ITGB5: variants seen among roughly 807,000 people sequenced by gnomAD.
ITGB5 encodes integrin subunit beta 5, also known as integrin beta-5.
In ITGB5, 38 loss-of-function variants were observed where a neutral mutation model predicts 84.8. The observed-to-expected ratio is 0.45, with a 90% CI of 0.35 to 0.59. The LOEUF (loss-of-function observed/expected upper bound fraction) is 0.59. ITGB5 is among the 20% of genes least tolerant of loss of function. The pLI, the probability that ITGB5 is intolerant of heterozygous loss-of-function variation, is 0.01. For missense variants in ITGB5, 905 were observed against 1,034.5 expected (o/e 0.87, Z 1.72); for synonymous variants, 393 against 414.4 (o/e 0.95, Z 0.63).
At position 124,809,091 on chromosome 3, in the gene ITGB5, A is replaced by C; in HGVS notation, c.1194T>G (p.Thr398=). ...AGGATACCCCATCTTGGCAGGTAGC[A>C]GTAAAGAAGAGATTAAGATCCTCAG... ...DQPEDLNLFF[T]ATCQDGVSYP... is the part of the protein sequence containing the mutation. Residue 398 remains threonine, a synonymous_variant, in exon 9 of 15, where the codon ACT becomes ACG. Transcript: ENST00000296181. 6.2e-7 allele frequency: 1 copy of C among 1,614,142 alleles called. No homozygotes were observed. Among genetic ancestry groups the C allele is most frequent in the Non-Finnish European group, 8.5e-7 (1 of 1,179,978 alleles).
At chr3:124,874,321 A>G (rs1444464986) in intron 1 of ITGB5, among the ~76,000 whole-genome samples, 2 of 151,418 alleles carry the variant, frequency 1.3e-5, no homozygotes, top group Non-Finnish European at 2.9e-5. Flanking sequence ...AAAAAAAAAA[A>G]AAAAAGAAAG....
At chr3:124,837,266 C>G (rs1374527477) in intron 5 of ITGB5, among the ~76,000 whole-genome samples, 1 of 152,240 alleles carries the variant, frequency 6.6e-6, no homozygotes, top group Non-Finnish European at 1.5e-5. Context: ...CTGAACCACA[C>G]ATCACACTTC....
At chr3:124,786,366 G>A (rs979165261) in intron 10 of ITGB5, among the ~76,000 whole-genome samples, 1 of 151,440 alleles carries the variant, frequency 6.6e-6, no homozygotes, top group Non-Finnish European at 1.5e-5. Context: ...GTGTACCACT[G>A]CACTCCAGCC....
At chr3:124,894,137 T>TTTTTTTTC (rs1935053852) in intron 1 of ITGB5, among the ~76,000 whole-genome samples, 1 of 125,468 alleles carries the variant, frequency 8.0e-6, no homozygotes, top group African/African-American at 3.0e-5. Context: ...TATTTTTCTT[T>TTTTTTTTC]TTTTTTTTTT....
intron 12 of ITGB5, 43 bp downstream of exon 12, chr3:124,768,970 A>C: frequency 1.3e-6 from 2 of 1,499,422 alleles, no homozygotes; most frequent in Non-Finnish European, 1.9e-6. Context: ...CTCCCCAGGA[A>C]GGAGAAAAAC....
chr3:124,850,057 G>T (rs1030287777), intron 3 of ITGB5, among the ~76,000 whole-genome samples: 8 of 152,070 alleles, frequency 5.3e-5, no homozygotes, highest in Non-Finnish European at 1.0e-4. Flanking sequence ...CACCTGACTT[G>T]CCGGCAGCCA....
At chr3:124,790,447 AGG>A in intron 10 of ITGB5, among the ~76,000 whole-genome samples, 1 of 147,378 alleles carries the variant, frequency 6.8e-6, no homozygotes, top group African/African-American at 2.5e-5. Flanking sequence ...TTGACTAGAC[AGG>A]GTTATCAGAA....
rs1287041549 is a variant in ITGB5, at chr3:124,763,455, CCAGGCACCTTCCTGTA to C, written c.*152_*167del. ...CTGGCCTAGCAGCCAGGTGACATGG[CCAGGCACCTTCCTGTA>C]CAGGCACTGTGGGCTCCTGGCCCAG... On this transcript the variant is annotated 3_prime_UTR_variant, in exon 15 of 15. Transcript: ENST00000296181. The C allele has an allele frequency of 1.9e-6, 1 of 521,206 alleles. No individual in the cohort carries two copies. The highest frequency in any genetic ancestry group is 1.9e-5 in the African/African-American group (1 of 51,838). The allele number at this position is 521,206 out of a possible 1,614,324, so 32.3% of individuals were successfully genotyped here.
At chr3:124,854,273 C>T (rs1272345761) in intron 3 of ITGB5, among the ~76,000 whole-genome samples, 5 of 152,160 alleles carry the variant, frequency 3.3e-5, no homozygotes, top group African/African-American at 4.8e-5. Context: ...TGTACATGAA[C>T]GTTCATAGCA....
intron 13 of ITGB5, among the ~76,000 whole-genome samples, chr3:124,765,693 C>T (rs1054987192): frequency 6.7e-6 from 1 of 148,296 alleles, no homozygotes; most frequent in Non-Finnish European, 1.5e-5. Flanking sequence ...AATGGGCCCC[C>T]AGCTGCACAT....
intron 5 of ITGB5, 70 bp from the exon 6 acceptor site, chr3:124,821,544 G>A: frequency 1.3e-6 from 2 of 1,530,756 alleles, no homozygotes; most frequent in South Asian, 2.3e-5. Context: ...GCAGGGCACT[G>A]GCCCCTCTCC....
intron 4 of ITGB5, among the ~76,000 whole-genome samples, chr3:124,845,011 G>A (rs1390415227): frequency 6.6e-6 from 1 of 152,214 alleles, no homozygotes; most frequent in Non-Finnish European, 1.5e-5. Context: ...CTCCAAGGAA[G>A]AGCTAATGAA....
At chr3:124,882,800 G>C (rs1453186880) in intron 1 of ITGB5, among the ~76,000 whole-genome samples, 2 of 152,154 alleles carry the variant, frequency 1.3e-5, no homozygotes, top group African/African-American at 4.8e-5. Context: ...CTGGAGTTGG[G>C]GAGGGAATCC....
chr3:124,868,249 T>C (rs2065421408), intron 2 of ITGB5, among the ~76,000 whole-genome samples: 1 of 152,148 alleles, frequency 6.6e-6, no homozygotes, highest in South Asian at 2.1e-4. Flanking sequence ...GAGAACAGAC[T>C]AATACATGTG....
chr3:124,886,737 T>A (rs1171484460), intron 1 of ITGB5, among the ~76,000 whole-genome samples, 194 bp downstream of exon 1: 1 of 151,474 alleles, frequency 6.6e-6, no homozygotes, highest in Non-Finnish European at 1.5e-5. Flanking sequence ...AACAGGAGAC[T>A]CACGACAGCC....
intron 2 of ITGB5, among the ~76,000 whole-genome samples, chr3:124,865,653 A>T (rs1168715891): frequency 6.6e-6 from 1 of 150,634 alleles, no homozygotes; most frequent in Non-Finnish European, 1.5e-5. Flanking sequence ...CATCCCACTG[A>T]TTTTTTACTT....
chr3:124,864,096 CTTTTTTTTTTTT>C (rs558311822), intron 2 of ITGB5, among the ~76,000 whole-genome samples: 1 of 45,470 alleles, frequency 2.2e-5, no homozygotes, highest in Non-Finnish European at 4.3e-5. Context: ...ACCTATATTT[CTTTTTTTTTTTT>C]TTTTTTTTTT....
intron 10 of ITGB5, among the ~76,000 whole-genome samples, chr3:124,775,559 T>A (rs943147825): frequency 1.3e-5 from 2 of 152,182 alleles, no homozygotes; most frequent in African/African-American, 4.8e-5. Context: ...TGGTATTTTT[T>A]AAAAAATCAA....
chr3:124,769,954 A>G (rs2063818564), intron 11 of ITGB5: 1 of 152,234 alleles, frequency 6.6e-6, no homozygotes, highest in African/African-American at 2.4e-5. Flanking sequence ...TGGCTCAGAT[A>G]GTGGGTGAAA....
Sources: allele counts gnomAD v4.1 joint callset (sites outside exome capture counted in the v4.1 genomes callset), GRCh38; gene constraint gnomAD v4.1.1; transcripts MANE v1.5; gene names NCBI Gene and HGNC (gene_info 2026-07-23, HGNC 2026-07-21).